The following GLIS3 variants were observed in gnomAD, a reference collection of about 807,000 sequenced individuals.
GLIS3 encodes GLIS family zinc finger 3.
In GLIS3, 53 loss-of-function variants were observed where a neutral mutation model predicts 78.6. The observed-to-expected ratio is 0.67, with a 90% CI of 0.54 to 0.85. GLIS3 has a LOEUF of 0.85. GLIS3 is among the 40% of genes least tolerant of loss of function. GLIS3 has a pLI of 0.00. For synonymous variants in GLIS3, 684 were observed against 509.9 expected (o/e 1.34, Z -4.60); for missense variants, 1,703 against 1,231.1 (o/e 1.38, Z -5.74).
At chr9:4,483,720 T>A in the GLIS3 span, among the ~76,000 whole-genome samples, 1 of 137,346 alleles carries the variant, frequency 7.3e-6, no homozygotes. Context: ...GACTTCGTCT[T>A]GGGAAAAAAA....
At chr9:4,029,941 T>A (rs1419975913) in intron 4 of GLIS3, among the ~76,000 whole-genome samples, 1 of 152,182 alleles carries the variant, frequency 6.6e-6, no homozygotes, top group Non-Finnish European at 1.5e-5. Context: ...CTGATTTCCT[T>A]TCTTTTAGGT....
intron 2 of GLIS3, among the ~76,000 whole-genome samples, chr9:4,251,141 G>C (rs1026217711): frequency 6.6e-6 from 1 of 152,300 alleles, no homozygotes; most frequent in Non-Finnish European, 1.5e-5. Context: ...CCAGAGCTGA[G>C]TTCAAGTCCT....
intron 2 of GLIS3, among the ~76,000 whole-genome samples, chr9:4,240,532 A>G (rs1428117239): frequency 6.6e-6 from 1 of 152,196 alleles, no homozygotes; most frequent in Non-Finnish European, 1.5e-5. Context: ...AAAACTAGTA[A>G]AAATTATAAA....
At chr9:3,900,186 T>C (rs1399692785) in intron 6 of GLIS3, among the ~76,000 whole-genome samples, 5 of 128,870 alleles carry the variant, frequency 3.9e-5, no homozygotes, top group Non-Finnish European at 8.3e-5. Flanking sequence ...CAGAAACTGT[T>C]AAAAAAAAAA....
intron 2 of GLIS3, among the ~76,000 whole-genome samples, chr9:4,161,280 A>G (rs1193143156): frequency 6.6e-6 from 1 of 152,116 alleles, no homozygotes; most frequent in African/African-American, 2.4e-5. Flanking sequence ...CTCAAAATAA[A>G]TAAACAAATA....
chr9:4,129,262 C>A (rs474296), intron 2 of GLIS3, among the ~76,000 whole-genome samples: 1 of 151,932 alleles, frequency 6.6e-6, no homozygotes, highest in East Asian at 1.9e-4. Context: ...TGGGGACTTA[C>A]GCAAATTACT....
At chr9:4,357,760 G>A in the GLIS3 span, among the ~76,000 whole-genome samples, 127 of 152,270 alleles carry the variant, frequency 8.3e-4, 1 homozygote, top group African/African-American at 2.9e-3. Context: ...TTATCCTACA[G>A]AAATACCTGG....
chr9:4,039,108 G>A (rs968240708), intron 4 of GLIS3, among the ~76,000 whole-genome samples: 2 of 152,130 alleles, frequency 1.3e-5, no homozygotes, highest in African/African-American at 2.4e-5. Context: ...CTATAATCCT[G>A]CCCTTTGGGA....
chr9:3,945,711 CT>C (rs1419812485), intron 4 of GLIS3, among the ~76,000 whole-genome samples: 1 of 152,130 alleles, frequency 6.6e-6, no homozygotes, highest in Non-Finnish European at 1.5e-5. Context: ...TTCTCTATGA[CT>C]TTAGTTTCTC....
intron 4 of GLIS3, among the ~76,000 whole-genome samples, chr9:4,023,272 C>T (rs1476044739): frequency 6.6e-6 from 1 of 151,984 alleles, no homozygotes; most frequent in African/African-American, 2.4e-5. Context: ...ACAAATTTTC[C>T]TTTTTAGTTT....
chr9:3,929,164 C>A (rs1039788834), intron 6 of GLIS3, among the ~76,000 whole-genome samples: 6 of 152,092 alleles, frequency 3.9e-5, no homozygotes, highest in African/African-American at 1.4e-4. Flanking sequence ...TATTTCGCTA[C>A]CCATTTTTCT....
chr9:4,199,697 T>TA (rs1313170137), intron 2 of GLIS3, among the ~76,000 whole-genome samples: 1 of 152,082 alleles, frequency 6.6e-6, no homozygotes, highest in African/African-American at 2.4e-5. Context: ...TAGAGAGCAT[T>TA]ATAATAATAG....
At chr9:3,849,241 A>G (rs1416510250) in intron 9 of GLIS3, among the ~76,000 whole-genome samples, 2 of 152,046 alleles carry the variant, frequency 1.3e-5, no homozygotes, top group Non-Finnish European at 2.9e-5. Context: ...GATATGAATG[A>G]ATCTGTCTGT....
the GLIS3 span, among the ~76,000 whole-genome samples, chr9:4,358,592 G>A: frequency 3.3e-5 from 5 of 152,134 alleles, no homozygotes; most frequent in African/African-American, 9.7e-5. Flanking sequence ...ATTGGCCTTC[G>A]TAATCCTTAC....
chr9:4,204,551 G>C (rs1819681118), intron 2 of GLIS3, among the ~76,000 whole-genome samples: 1 of 152,142 alleles, frequency 6.6e-6, no homozygotes, highest in African/African-American at 2.4e-5. Flanking sequence ...GACAGTCCAA[G>C]AAAAATGCAG....
At chr9:4,140,064 T>C (rs1239208276) in intron 2 of GLIS3, among the ~76,000 whole-genome samples, 1 of 152,222 alleles carries the variant, frequency 6.6e-6, no homozygotes, top group Non-Finnish European at 1.5e-5. Flanking sequence ...GTAAAAGGCA[T>C]ATCTTACATA....
the GLIS3 span, among the ~76,000 whole-genome samples, chr9:4,455,553 G>A: frequency 1.3e-5 from 2 of 152,132 alleles, no homozygotes; most frequent in Non-Finnish European, 2.9e-5. Flanking sequence ...TTGTTTGAGC[G>A]GATGAACTTG....
intron 2 of GLIS3, among the ~76,000 whole-genome samples, chr9:4,217,055 G>C (rs1820916831): frequency 6.6e-6 from 1 of 152,134 alleles, no homozygotes; most frequent in Admixed American, 6.5e-5. Context: ...TGGTTCCAAA[G>C]TTAACTCCAG....
At chr9:4,127,919 T>C (rs1460555869) in intron 2 of GLIS3, among the ~76,000 whole-genome samples, 2 of 152,218 alleles carry the variant, frequency 1.3e-5, no homozygotes, top group Admixed American at 6.5e-5. Flanking sequence ...TACTACTTGA[T>C]GGCAAAACAT....
Sources: gnomAD v4.1 joint callset for allele counts (sites outside exome capture counted in the v4.1 genomes callset) on GRCh38, gnomAD v4.1.1 for gene constraint, MANE v1.5 for transcripts, NCBI Gene and HGNC (gene_info 2026-07-23, HGNC 2026-07-21) for gene names.